The following GRID2 variants were observed in gnomAD, a reference collection of about 807,000 sequenced individuals.
GRID2 encodes the protein glutamate ionotropic receptor delta type subunit 2.
Under a neutral mutation model 114.8 loss-of-function variants are expected in GRID2, and 33 were observed. The ratio of observed to expected loss-of-function variants is 0.29; its 90% CI spans 0.22 to 0.38. The LOEUF is 0.38. Ranked by LOEUF, GRID2 falls within the 10% of genes least tolerant of loss-of-function variation. The pLI, the probability that GRID2 is intolerant of heterozygous loss-of-function variation, is 1.00. For synonymous variants in GRID2, 505 were observed against 449.9 expected (o/e 1.12, Z -1.55); for missense variants, 1,184 against 1,257.7 (o/e 0.94, Z 0.89).
intron 4 of GRID2, among the ~76,000 whole-genome samples, chr4:93,181,398 G>T (rs1739882159): frequency 6.6e-6 from 1 of 152,082 alleles, no homozygotes; most frequent in African/African-American, 2.4e-5. Context: ...GTATAATTCT[G>T]AAGGGCCCTA....
At chr4:92,995,578 AAG>A (rs1755150189) in intron 2 of GRID2, among the ~76,000 whole-genome samples, 1 of 152,180 alleles carries the variant, frequency 6.6e-6, no homozygotes, top group Non-Finnish European at 1.5e-5. Context: ...TTGTATAAGT[AAG>A]AGTTTCACAA....
chr4:93,687,358 T>C (rs1297562046), intron 14 of GRID2, among the ~76,000 whole-genome samples: 2 of 152,006 alleles, frequency 1.3e-5, no homozygotes, highest in Non-Finnish European at 2.9e-5. Context: ...TGGGAGATCT[T>C]AGCCAGTTTA....
At chr4:92,307,925 C>A (rs748498140) in intron 1 of GRID2, among the ~76,000 whole-genome samples, 22 of 152,142 alleles carry the variant, frequency 1.4e-4, no homozygotes, top group Non-Finnish European at 3.1e-4. Flanking sequence ...TTTCATCAGA[C>A]CCACATTACT....
chr4:93,501,748 G>A (rs1728130778), intron 12 of GRID2, among the ~76,000 whole-genome samples: 1 of 151,988 alleles, frequency 6.6e-6, no homozygotes, highest in Non-Finnish European at 1.5e-5. Context: ...TGTTTACACT[G>A]AGCTCACCAG....
At chr4:93,022,007 C>G (rs535927410) in intron 2 of GRID2, among the ~76,000 whole-genome samples, 3 of 151,078 alleles carry the variant, frequency 2.0e-5, no homozygotes, top group Non-Finnish European at 4.4e-5. Context: ...ATTGGCAAAA[C>G]CAGAATACAA....
chr4:93,064,462 A>T (rs1000955838), intron 2 of GRID2, among the ~76,000 whole-genome samples: 11 of 151,912 alleles, frequency 7.2e-5, no homozygotes, highest in African/African-American at 2.4e-4. Flanking sequence ...CAGGACATAT[A>T]CTAAATTCAA....
intron 2 of GRID2, among the ~76,000 whole-genome samples, chr4:92,611,106 ATGTGTGTGTATG>A (rs1338920268): frequency 2.2e-5 from 3 of 135,834 alleles, no homozygotes; most frequent in African/African-American, 8.1e-5. Context: ...GTGTGTGTAT[ATGTGTGTGTATG>A]TGTGTGTGTG....
chr4:93,629,174 T>C (rs1743017856), intron 14 of GRID2, among the ~76,000 whole-genome samples: 4 of 148,634 alleles, frequency 2.7e-5, no homozygotes, highest in African/African-American at 9.8e-5. Flanking sequence ...CCTGCAGTGC[T>C]TTACCTATCA....
At chr4:93,654,337 C>T (rs1248607148) in intron 14 of GRID2, among the ~76,000 whole-genome samples, 2 of 152,088 alleles carry the variant, frequency 1.3e-5, no homozygotes, top group Middle Eastern at 3.2e-3. Flanking sequence ...AGTAATTTGC[C>T]ATTGTAACCA....
At chr4:93,291,130 T>A (rs1753713992) in intron 8 of GRID2, among the ~76,000 whole-genome samples, 1 of 151,272 alleles carries the variant, frequency 6.6e-6, no homozygotes, top group Non-Finnish European at 1.5e-5. Context: ...GCCCACCAGA[T>A]CCAAAGTGCT....
intron 1 of GRID2, among the ~76,000 whole-genome samples, chr4:92,563,406 G>T (rs1203372443): frequency 1.3e-5 from 2 of 152,036 alleles, no homozygotes; most frequent in African/African-American, 4.8e-5. Context: ...GAAGTGCTGA[G>T]CTGGAAAATT....
chr4:92,338,643 A>G (rs531521351), intron 1 of GRID2, among the ~76,000 whole-genome samples: 1 of 152,220 alleles, frequency 6.6e-6, no homozygotes, highest in South Asian at 2.1e-4. Context: ...ATCTATCTAA[A>G]ACATTGTATG....
At chr4:92,364,616 G>T (rs1728764700) in intron 1 of GRID2, among the ~76,000 whole-genome samples, 1 of 151,800 alleles carries the variant, frequency 6.6e-6, no homozygotes, top group Non-Finnish European at 1.5e-5. Flanking sequence ...AATCACTGTT[G>T]GCTATGTCTC....
intron 1 of GRID2, among the ~76,000 whole-genome samples, chr4:92,540,101 A>C (rs1725851319): frequency 1.3e-5 from 2 of 152,214 alleles, no homozygotes; most frequent in Admixed American, 1.3e-4. Flanking sequence ...ATATGTAGAA[A>C]GCTGAAACTG....
At chr4:92,524,224 A>T (rs1724924722) in intron 1 of GRID2, among the ~76,000 whole-genome samples, 1 of 152,008 alleles carries the variant, frequency 6.6e-6, no homozygotes, top group Admixed American at 6.6e-5. Flanking sequence ...AGGGAGTCAA[A>T]AGGATTAATG....
At chr4:93,595,199 C>T (rs951214908) in intron 13 of GRID2, among the ~76,000 whole-genome samples, 24 of 152,302 alleles carry the variant, frequency 1.6e-4, no homozygotes, top group African/African-American at 5.3e-4. Context: ...CTGTAATATC[C>T]CTTTCTTCAA....
chr4:93,326,689 T>G (rs1757873169), intron 8 of GRID2, among the ~76,000 whole-genome samples: 1 of 152,132 alleles, frequency 6.6e-6, no homozygotes, highest in Admixed American at 6.6e-5. Flanking sequence ...ACCTCATGCT[T>G]CTTTATATGC....
intron 2 of GRID2, among the ~76,000 whole-genome samples, chr4:92,595,856 T>G (rs1039016005): frequency 1.3e-5 from 2 of 152,266 alleles, no homozygotes; most frequent in African/African-American, 4.8e-5. Flanking sequence ...TTTCTGGTCA[T>G]TGATTAAATC....
chr4:93,699,545 C>CA (rs1727329187), intron 14 of GRID2, among the ~76,000 whole-genome samples: 1 of 151,922 alleles, frequency 6.6e-6, no homozygotes, highest in Non-Finnish European at 1.5e-5. Context: ...ATCTGAGGTT[C>CA]AAAATAGCCA....
Sources: allele counts gnomAD v4.1 joint callset (sites outside exome capture counted in the v4.1 genomes callset), GRCh38; gene constraint gnomAD v4.1.1; transcripts MANE v1.5; gene names NCBI Gene and HGNC (gene_info 2026-07-23, HGNC 2026-07-21).